The following TRPV3 variants were observed in gnomAD, a reference collection of about 807,000 sequenced individuals.
The protein encoded by TRPV3 is transient receptor potential cation channel subfamily V member 3, also known as VRL-3.
In TRPV3, 88 loss-of-function variants were observed where a neutral mutation model predicts 87.1. The ratio of observed to expected loss-of-function variants is 1.01; its 90% CI spans 0.85 to 1.21. The LOEUF (loss-of-function observed/expected upper bound fraction) is 1.21. TRPV3 is among the 50% of genes most tolerant of loss of function. TRPV3 has a pLI of 0.00. For synonymous variants in TRPV3, 438 were observed against 423.3 expected (o/e 1.03, Z -0.43); for missense variants, 1,054 against 1,030.1 (o/e 1.02, Z -0.32).
chr17:3,523,907 T>TACACAC (rs111416025), intron 13 of TRPV3, among the ~76,000 whole-genome samples: 49 of 149,980 alleles, frequency 3.3e-4, no homozygotes, highest in African/African-American at 1.0e-3. Context: ...CACACACACA[T>TACACAC]ACACACACAC....
chr17:3,549,777 G>A lies in TRPV3; in HGVS notation c.120-4506C>T, dbSNP rs117478712. Among the ~76,000 whole-genome samples the A allele has an allele frequency of 2.1e-3, 311 of 149,444 alleles. 2 individuals carry two copies. The East Asian group carries it at 0.032, about 15-fold the overall frequency. ...GGATGGATGGATGGATAGATGATGC[G>A]TAGATGAGTGAATGGATGATGGATG... On this transcript the variant is annotated intron_variant, in intron 2 of 17. Transcript: ENST00000576742.
intron 2 of TRPV3, among the ~76,000 whole-genome samples, chr17:3,549,397 G>A (rs2074552743): frequency 6.6e-6 from 1 of 152,180 alleles, no homozygotes; most frequent in Non-Finnish European, 1.5e-5. Context: ...GTACAATGAG[G>A]CCACGACTTT....
intron 15 of TRPV3, among the ~76,000 whole-genome samples, chr17:3,517,619 C>A (rs1490117536): frequency 5.0e-3 from 324 of 65,098 alleles, no homozygotes; most frequent in South Asian, 0.01. Context: ...GACCCTGTCT[C>A]AAAAAAAAAA....
chr17:3,543,002 C>T (rs1480142418), intron 5 of TRPV3, among the ~76,000 whole-genome samples: 1 of 152,062 alleles, frequency 6.6e-6, no homozygotes, highest in East Asian at 1.9e-4. Context: ...AGCCTGCCCC[C>T]TCCTCGTGGC....
Position 3,514,535 on chromosome 17 carries a change from C to T in TRPV3, c.2278+58G>A, listed in dbSNP as rs74673621. On this transcript the variant is annotated intron_variant, in intron 17 of 17. Coordinates refer to ENST00000576742, the MANE Select transcript of TRPV3 (RefSeq NM_145068.4). The stretch of plus-strand genomic sequence containing the variant: ...GTCAGGACCCTTAGACTTGATCTGC[C>T]CAAGGTTACATGGTCTGAGACAGGA... The T allele has an allele frequency of 9.1e-3, 11,984 of 1,312,192 alleles. 121 individuals are homozygous for T. The highest frequency in any genetic ancestry group is 9.2e-3 in the Non-Finnish European group (8,336 of 907,030). 81.3% of individuals were successfully genotyped at this position (1,312,192 alleles called of 1,614,324 possible).
In TRPV3 at chr17:3,545,251, A is replaced by G. The variant is rs2074513010; in HGVS notation, c.140T>C (p.Ile47Thr). Reference sequence around the variant, plus strand: ...TGTGGGGTTGGGTTCAAACCCTTCTATCTCCAGGAAGAAGTGTGCACTGAG... The same window carrying G: ...TGTGGGGTTGGGTTCAAACCCTTCTGTCTCCAGGAAGAAGTGTGCACTGAG... ...TKKSAHFFLE[I>T]EGFEPNPTVA... The change falls in exon 3 of 18, where the codon ATA becomes ACA. Residue 47 changes from isoleucine to threonine, a missense_variant. Physicochemically the swap from Ile to Thr is moderately conservative, Grantham distance 89. Transcript: ENST00000576742. The G allele has an allele frequency of 2.5e-6, 4 of 1,613,566 alleles. No individual in the cohort carries two copies. Among genetic ancestry groups the G allele is most frequent in the Non-Finnish European group, 3.4e-6 (4 of 1,179,696 alleles).
intron 14 of TRPV3, among the ~76,000 whole-genome samples, chr17:3,519,570 AT>A (rs950136271): frequency 7.7e-6 from 1 of 129,968 alleles, no homozygotes; most frequent in Non-Finnish European, 1.7e-5. Context: ...CGATGGATGG[AT>A]GGATGATTAA....
At position 3,544,685 on chromosome 17, in the gene TRPV3, G is replaced by T; in HGVS notation, c.225-20C>A. Reference sequence around the variant, plus strand: ...GAGATGCTGGAGGTGTTGGCAGGGGGAACAGAGAGGGTTTTAAAGTTTTAA... The same window carrying T: ...GAGATGCTGGAGGTGTTGGCAGGGGTAACAGAGAGGGTTTTAAAGTTTTAA... On this transcript the variant is annotated intron_variant, in intron 3 of 17. Transcript: ENST00000576742. The T allele has an allele frequency of 5.1e-6, 8 of 1,580,340 alleles. No homozygotes were observed. The highest frequency in any genetic ancestry group is 6.9e-6 in the Non-Finnish European group (8 of 1,156,364).
At position 3,530,357 on chromosome 17, in the gene TRPV3, C is replaced by T. The variant is rs1037325721; in HGVS notation, c.1066-154G>A. 11 of 661,642 alleles carry T rather than the reference C, an allele frequency of 1.7e-5. No homozygotes were observed. The highest frequency in any genetic ancestry group is 2.9e-5 in the East Asian group (1 of 34,520). 41.0% of individuals were successfully genotyped at this position (661,642 alleles called of 1,614,324 possible). A position where few individuals can be genotyped will look rare whatever the true frequency, so the allele number is the denominator to read the frequency against. On this transcript the variant is annotated intron_variant, in intron 8 of 17. Coordinates refer to ENST00000576742, the MANE Select transcript of TRPV3 (RefSeq NM_145068.4). The surrounding 1 kb of genome is among the most constrained non-coding windows in gnomAD (Gnocchi z 4.0). ...GCCTGGCGCCATGGCCCCTGGGCCC[C>T]GTCTTTATCTGTGGAATGCGCACAA...
chr17:3,544,756 G>T, intron 3 of TRPV3, 91 bp from the exon 4 acceptor site: 1 of 897,224 alleles, frequency 1.1e-6, no homozygotes, highest in Non-Finnish European at 1.7e-6. Flanking sequence ...CAGCACTTTG[G>T]GAGGCCGAGG....
intron 13 of TRPV3, among the ~76,000 whole-genome samples, chr17:3,522,187 G>T (rs1317948356): frequency 1.3e-5 from 2 of 152,146 alleles, no homozygotes; most frequent in East Asian, 1.9e-4. Flanking sequence ...TGCTTTTGAG[G>T]TTACTTGTCT....
chr17:3,544,508 C>G (rs1035552312), intron 4 of TRPV3, 71 bp downstream of exon 4: 2 of 965,460 alleles, frequency 2.1e-6, no homozygotes, highest in Non-Finnish European at 3.1e-6. Flanking sequence ...CCTGCAGGGC[C>G]CCGGATCCTG....
rs199738086 is a variant in TRPV3 at position 3,549,946 on chromosome 17, TATGG to T, written c.120-4679_120-4676del. 7.1e-3 allele frequency among the ~76,000 whole-genome samples: 950 copies of T among 133,988 alleles called. 3 individuals carry two copies. The highest frequency in any genetic ancestry group is 0.026 in the African/African-American group (888 of 34,820). 87.9% of individuals were successfully genotyped at this position (133,988 alleles called of 152,430 possible). A position where few individuals can be genotyped will look rare whatever the true frequency, so the allele number is the denominator to read the frequency against. ...TTGATGGATGGATGGACAGATGATGTATGGATGGATGGATGGATGATAGGTAGAT... is the reference window on the plus strand; with the variant it reads ...TTGATGGATGGATGGACAGATGATGTATGGATGGATGGATGATAGGTAGAT... On this transcript the variant is annotated intron_variant, in intron 2 of 17. Transcript: ENST00000576742.
intron 6 of TRPV3, among the ~76,000 whole-genome samples, chr17:3,541,005 TAATA>T (rs2074454014): frequency 6.6e-6 from 1 of 152,220 alleles, no homozygotes; most frequent in Non-Finnish European, 1.5e-5. Flanking sequence ...AGAGTTCAAA[TAATA>T]AATCACAATT....
chr17:3,545,086 G>T, intron 3 of TRPV3, 81 bp downstream of exon 3: 1 of 921,610 alleles, frequency 1.1e-6, no homozygotes, highest in South Asian at 1.5e-5. Context: ...CTGGCCCCGT[G>T]ACCCAGGGCA....
rs2074110287 is a variant in TRPV3 at position 3,511,299 on chromosome 17, A to C, written c.*2618T>G. ...CCTGAGAAAATAGTCCTGCCCCCCAATATAAGCGAAATACAAAGACTCAAA... is the reference window on the plus strand; with the variant it reads ...CCTGAGAAAATAGTCCTGCCCCCCACTATAAGCGAAATACAAAGACTCAAA... On this transcript the variant is annotated 3_prime_UTR_variant, in exon 18 of 18. Coordinates refer to ENST00000576742, the MANE Select transcript of TRPV3 (RefSeq NM_145068.4). The C allele has an allele frequency of 6.6e-6, 1 of 152,182 alleles. No individual in the cohort carries two copies. Among genetic ancestry groups the C allele is most frequent in the South Asian group, 2.1e-4 (1 of 4,822 alleles). The allele number at this position is 152,182 out of a possible 1,614,324, so 9.4% of individuals were successfully genotyped here. A position where few individuals can be genotyped will look rare whatever the true frequency, so the allele number is the denominator to read the frequency against.
At chr17:3,539,229 G>A (rs564160399) in intron 6 of TRPV3, among the ~76,000 whole-genome samples, 1 of 151,638 alleles carries the variant, frequency 6.6e-6, no homozygotes, top group Non-Finnish European at 1.5e-5. Context: ...AACTTTTTCT[G>A]TGTGCACATA....
In TRPV3 at chr17:3,554,863, AC is replaced by A; in HGVS notation, c.-2-12del. The A allele has an allele frequency of 6.3e-7, 1 of 1,587,306 alleles. No individual in the cohort carries two copies. Among genetic ancestry groups the A allele is most frequent in the Non-Finnish European group, 8.6e-7 (1 of 1,161,742 alleles). On this transcript the variant is annotated splice_polypyrimidine_tract_variant and intron_variant, in intron 1 of 17. Transcript: ENST00000576742. ...GGTGGGCTTTCATGGCTGGAATACAACCACAGGGCAGATGCTCAGGCCGGGG... is the reference window on the plus strand; with the variant it reads ...GGTGGGCTTTCATGGCTGGAATACAACACAGGGCAGATGCTCAGGCCGGGG...
intron 12 of TRPV3, 110 bp from the exon 13 acceptor site, chr17:3,524,473 A>G: frequency 7.2e-7 from 1 of 1,394,278 alleles, no homozygotes; most frequent in East Asian, 2.4e-5. Flanking sequence ...CACCCCGGTG[A>G]CGGATGCTGA....
Sources: gnomAD v4.1 joint callset for allele counts (sites outside exome capture counted in the v4.1 genomes callset) on GRCh38, gnomAD v4.1.1 for gene constraint, Gnocchi (gnomAD v3.1) non-coding constraint, MANE v1.5 for transcripts, NCBI Gene and HGNC (gene_info 2026-07-23, HGNC 2026-07-21) for gene names.